Variants in TENM2 observed in about 807,000 individuals in gnomAD.
TENM2 encodes the protein teneurin transmembrane protein 2.
Under a neutral mutation model 245.2 loss-of-function variants are expected in TENM2, and 52 were observed. The ratio of observed to expected loss-of-function variants is 0.21; its 90% confidence interval spans 0.17 to 0.27. TENM2 has a LOEUF of 0.27. Among genes scored for constraint, TENM2 ranks in the 10% least tolerant of loss-of-function variants. TENM2 has a pLI of 1.00. For missense variants in TENM2, 3,046 were observed against 3,666.8 expected (o/e 0.83, Z 4.37); for synonymous variants, 1,363 against 1,438.9 (o/e 0.95, Z 1.19).
intron 12 of TENM2, among the ~76,000 whole-genome samples, chr5:168,156,901 A>G (rs530784313): frequency 6.6e-6 from 1 of 152,326 alleles, no homozygotes; most frequent in African/African-American, 2.4e-5. Context: ...TTTACACCAT[A>G]GCAGGAACGC....
In TENM2 at chr5:167,455,599, A is replaced by G. The variant is rs560776529; in HGVS notation, c.502+80126A>G. Among the ~76,000 whole-genome samples the G allele has an allele frequency of 3.3e-5, 5 of 152,116 alleles. No individual in the cohort carries two copies. In the South Asian group the frequency reaches 1.0e-3, roughly 32 times the overall value. ...TCACTGTTGCTTTTAATTTGTCAGT[A>G]CATTAATTTTAGTTGATAAATAAGT... On this transcript the variant is annotated intron_variant, in intron 2 of 28. Transcript: ENST00000518659.
intron 1 of TENM2, among the ~76,000 whole-genome samples, chr5:167,320,471 C>T (rs1387069532): frequency 2.0e-5 from 3 of 152,152 alleles, no homozygotes; most frequent in Non-Finnish European, 4.4e-5. Context: ...AGACACAGAA[C>T]GAGATCATTC....
chr5:168,105,827 C>G (rs971465589), intron 9 of TENM2, among the ~76,000 whole-genome samples: 1 of 152,078 alleles, frequency 6.6e-6, no homozygotes, highest in Non-Finnish European at 1.5e-5. Flanking sequence ...TTACTATTTC[C>G]CTTGCATGGT....
intron 2 of TENM2, among the ~76,000 whole-genome samples, chr5:167,589,975 G>T (rs1042498940): frequency 2.6e-5 from 4 of 151,672 alleles, no homozygotes; most frequent in African/African-American, 9.7e-5. Flanking sequence ...ATAATTTGAT[G>T]TATCATTTTA....
At chr5:167,069,359 T>G in the TENM2 span, among the ~76,000 whole-genome samples, 1 of 152,194 alleles carries the variant, frequency 6.6e-6, no homozygotes, top group Non-Finnish European at 1.5e-5. Flanking sequence ...GTAGAAAAGT[T>G]CATCTAAATG....
intron 1 of TENM2, among the ~76,000 whole-genome samples, chr5:167,298,774 A>G (rs1755124312): frequency 6.6e-6 from 1 of 152,266 alleles, no homozygotes; most frequent in Admixed American, 6.5e-5. Context: ...TTTAAGAGTT[A>G]AGAGTGGCAG....
At chr5:167,593,421 C>T (rs1011259745) in intron 2 of TENM2, among the ~76,000 whole-genome samples, 1 of 152,174 alleles carries the variant, frequency 6.6e-6, no homozygotes, top group Non-Finnish European at 1.5e-5. Flanking sequence ...TGGTCATTTT[C>T]TTATGAACAT....
chr5:167,452,929 AT>A (rs371899017), intron 2 of TENM2, among the ~76,000 whole-genome samples: 2 of 67,232 alleles, frequency 3.0e-5, no homozygotes. Context: ...TTAAAGTATG[AT>A]TTATATATAT....
intron 2 of TENM2, among the ~76,000 whole-genome samples, chr5:167,820,424 C>T (rs1359450377): frequency 1.3e-5 from 2 of 152,134 alleles, no homozygotes; most frequent in Admixed American, 6.5e-5. Flanking sequence ...CTGAAGCTCC[C>T]GGCTCCCGGC....
chr5:167,472,592 C>G (rs1244462745), intron 2 of TENM2, among the ~76,000 whole-genome samples: 1 of 152,024 alleles, frequency 6.6e-6, no homozygotes, highest in Non-Finnish European at 1.5e-5. Context: ...TTAGAGTGAC[C>G]GGGAAAGAAA....
the TENM2 span, among the ~76,000 whole-genome samples, chr5:167,205,948 A>G: frequency 2.0e-5 from 3 of 152,230 alleles, no homozygotes; most frequent in South Asian, 6.2e-4. Flanking sequence ...GCTCTCAGCT[A>G]AGAGAAAGTT....
chr5:167,192,457 GT>G, the TENM2 span, among the ~76,000 whole-genome samples: 1 of 152,060 alleles, frequency 6.6e-6, no homozygotes, highest in Non-Finnish European at 1.5e-5. Flanking sequence ...CCACACAAAA[GT>G]GGTCATTTTG....
the TENM2 span, among the ~76,000 whole-genome samples, chr5:167,206,540 T>C: frequency 6.6e-6 from 1 of 152,178 alleles, no homozygotes; most frequent in African/African-American, 2.4e-5. Context: ...ATTAGACTGT[T>C]AGTTTCACGC....
the TENM2 span, among the ~76,000 whole-genome samples, chr5:167,191,990 A>G: frequency 6.6e-6 from 1 of 152,092 alleles, no homozygotes; most frequent in African/African-American, 2.4e-5. Context: ...ACTTCACAGT[A>G]TTGAAAGGAA....
chr5:168,012,671 A>T (rs1243315808), intron 5 of TENM2, among the ~76,000 whole-genome samples: 1 of 151,018 alleles, frequency 6.6e-6, no homozygotes, highest in Non-Finnish European at 1.5e-5. Context: ...CAAAAAAAAA[A>T]ACTGAAGGTG....
chr5:168,246,980 C>T, exon 27 of TENM2: 3 of 1,613,948 alleles, frequency 1.9e-6, no homozygotes, highest in Non-Finnish European at 2.5e-6. Context: ...TTTTTGGGCA[C>T]CGGACGCCAG....
intron 15 of TENM2, among the ~76,000 whole-genome samples, chr5:168,197,453 C>A (rs1761537575): frequency 1.3e-5 from 2 of 152,152 alleles, no homozygotes; most frequent in African/African-American, 4.8e-5. Flanking sequence ...GTAATCCCAG[C>A]ACCTTGGGAG....
intron 13 of TENM2, among the ~76,000 whole-genome samples, chr5:168,168,385 G>A (rs1758492779): frequency 6.6e-6 from 1 of 152,162 alleles, no homozygotes; most frequent in African/African-American, 2.4e-5. Flanking sequence ...ATAAGTAGCT[G>A]AAAAGACATG....
chr5:168,143,911 G>A (rs535939708), intron 12 of TENM2, among the ~76,000 whole-genome samples: 107 of 147,576 alleles, frequency 7.3e-4, no homozygotes, highest in African/African-American at 2.6e-3. Flanking sequence ...GAGCAGTGGC[G>A]CGATCTCGGC....
Sources: allele counts gnomAD v4.1 joint callset (sites outside exome capture counted in the v4.1 genomes callset), GRCh38; gene constraint gnomAD v4.1.1; transcripts MANE v1.5; gene names NCBI Gene and HGNC (gene_info 2026-07-23, HGNC 2026-07-21).